The following RAD54L2 variants were observed in gnomAD, a reference collection of about 807,000 sequenced individuals.
RAD54L2 encodes RAD54 like 2.
Under a neutral mutation model 138.4 loss-of-function variants are expected in RAD54L2, and 27 were observed. That is an observed-to-expected ratio of 0.20 (90% CI 0.14 to 0.27). The LOEUF is 0.27. Among genes scored for constraint, RAD54L2 ranks in the 10% least tolerant of loss-of-function variants. RAD54L2 has a pLI of 1.00. For missense variants in RAD54L2, 1,396 were observed against 1,890.2 expected (o/e 0.74, Z 4.85); for synonymous variants, 644 against 723.2 (o/e 0.89, Z 1.76).
intron 7 of RAD54L2, among the ~76,000 whole-genome samples, chr3:51,632,529 A>G (rs1047630894): frequency 2.0e-5 from 3 of 149,882 alleles, no homozygotes; most frequent in South Asian, 2.2e-4. Flanking sequence ...TCCCAACCTC[A>G]GGTAATCTGC....
intron 2 of RAD54L2, among the ~76,000 whole-genome samples, chr3:51,558,888 A>T (rs1198537088): frequency 6.6e-6 from 1 of 151,818 alleles, no homozygotes; most frequent in East Asian, 1.9e-4. Context: ...TAGCCTATTT[A>T]TTTTTGAGAC....
chr3:51,582,255 C>T (rs147031241), intron 2 of RAD54L2, among the ~76,000 whole-genome samples: 51 of 152,250 alleles, frequency 3.3e-4, no homozygotes, highest in East Asian at 7.7e-4. Context: ...AGACACAGGA[C>T]TCATAGGTCA....
intron 3 of RAD54L2, 75 bp downstream of exon 3, chr3:51,590,634 C>T: frequency 6.5e-7 from 1 of 1,547,488 alleles, no homozygotes; most frequent in African/African-American, 1.4e-5. Context: ...GAGACCTTGG[C>T]GTTTCCAGTT....
intron 2 of RAD54L2, among the ~76,000 whole-genome samples, chr3:51,578,142 C>T (rs1377006106): frequency 1.3e-5 from 2 of 151,666 alleles, no homozygotes; most frequent in African/African-American, 4.8e-5. Flanking sequence ...ACACTCCCCC[C>T]CTGCCCCACC....
chr3:51,663,474 C>G lies in RAD54L2; in HGVS notation c.*54C>G. 3.2e-6 allele frequency: 5 copies of G among 1,551,786 alleles called. No homozygotes were observed. Among genetic ancestry groups the G allele is most frequent in the Non-Finnish European group, 4.4e-6 (5 of 1,140,466 alleles). ...GGCCCCCAGCAGGTTGCCCACCAAG[C>G]TGAAAGGCAGTGATTTAGACCTTTT... On this transcript the variant is annotated 3_prime_UTR_variant, in exon 23 of 23. Transcript: ENST00000684192.
chr3:51,629,688 G>A (rs1157016984), intron 5 of RAD54L2, among the ~76,000 whole-genome samples: 2 of 151,698 alleles, frequency 1.3e-5, no homozygotes, highest in Non-Finnish European at 2.9e-5. Flanking sequence ...GTGAAACCCC[G>A]TCTCTACTAA....
Position 51,630,280 on chromosome 3 carries a change from G to C in RAD54L2, c.490G>C (p.Ala164Pro), listed in dbSNP as rs202228085. 1.2e-6 allele frequency: 2 copies of C among 1,613,928 alleles called. No individual in the cohort carries two copies. The highest frequency in any genetic ancestry group is 3.3e-5 in the Admixed American group (2 of 60,022). ...CATTTTGCTTTTCCTAGAGGAAATT[G>C]CTTTAAGGGCAAGTGACGGTCCCCA... ...VPLEFLPEEI[A>P]LRASDGPQLP... The change falls in exon 6 of 23, where the codon GCT becomes CCT. Residue 164 changes from alanine to proline, a missense_variant. Transcript: ENST00000684192.
chr3:51,628,494 G>A (rs1439515434), intron 4 of RAD54L2, among the ~76,000 whole-genome samples: 1 of 151,982 alleles, frequency 6.6e-6, no homozygotes, highest in African/African-American at 2.4e-5. Context: ...TGTTCTAGCG[G>A]TTCTTGTGCT....
At chr3:51,619,400 C>T (rs1700519234) in intron 3 of RAD54L2, among the ~76,000 whole-genome samples, 1 of 152,116 alleles carries the variant, frequency 6.6e-6, no homozygotes, top group African/African-American at 2.4e-5. Flanking sequence ...CAAAAGGTCT[C>T]ATAGGCCTGC....
At chr3:51,609,698 TTGTGTGTGTGTGTGTG>T (rs5848928) in intron 3 of RAD54L2, among the ~76,000 whole-genome samples, 9 of 141,076 alleles carry the variant, frequency 6.4e-5, no homozygotes, top group East Asian at 4.2e-4. Context: ...TTGTGGGCAT[TTGTGTGTGTGTGTGTG>T]TGTGTGTGTG....
intron 21 of RAD54L2, 109 bp downstream of exon 21, chr3:51,657,778 A>T: frequency 1.3e-6 from 1 of 766,562 alleles, no homozygotes; most frequent in Non-Finnish European, 2.2e-6. Context: ...GAATCATCCC[A>T]TTAGGATGTC....
chr3:51,572,452 TAA>T (rs529261675), intron 2 of RAD54L2, among the ~76,000 whole-genome samples: 27 of 109,472 alleles, frequency 2.5e-4, no homozygotes, highest in South Asian at 3.0e-4. Context: ...GACTCCGTCT[TAA>T]AAAAAAAAAA....
At chr3:51,543,131 CTTAG>C (rs1338455095) in intron 2 of RAD54L2, among the ~76,000 whole-genome samples, 2 of 151,234 alleles carry the variant, frequency 1.3e-5, no homozygotes, top group Non-Finnish European at 2.9e-5. Context: ...GATGAACAGA[CTTAG>C]TTATAGAACT....
At chr3:51,592,613 G>A (rs1408240652) in intron 3 of RAD54L2, among the ~76,000 whole-genome samples, 2 of 141,024 alleles carry the variant, frequency 1.4e-5, no homozygotes, top group Non-Finnish European at 3.1e-5. Flanking sequence ...TTCTTTTGTT[G>A]GCCCTGGCTG....
chr3:51,559,349 G>A (rs1699048377), intron 2 of RAD54L2, among the ~76,000 whole-genome samples: 1 of 152,120 alleles, frequency 6.6e-6, no homozygotes, highest in African/African-American at 2.4e-5. Context: ...TTTTGTGCTT[G>A]CATAAATCTT....
intron 3 of RAD54L2, among the ~76,000 whole-genome samples, chr3:51,627,292 A>G (rs370748326): frequency 3.3e-5 from 5 of 152,312 alleles, no homozygotes; most frequent in East Asian, 3.9e-4. Context: ...AGTGATGGCT[A>G]TCATTTGTTG....
Position 51,643,910 on chromosome 3 carries a change from C to T in RAD54L2, c.2386C>T (p.Arg796Trp), listed in dbSNP as rs542809426. ...TAGCACCCCTGCCTTTGAGAGGGAGCGGCTTATTAATCAGTTCAATGATCC... is the reference window on the plus strand; with the variant it reads ...TAGCACCCCTGCCTTTGAGAGGGAGTGGCTTATTAATCAGTTCAATGATCC... ...DGSTPAFERE[R>W]LINQFNDPSN... is the part of the protein sequence containing the mutation. The change falls in exon 16 of 23, where the codon CGG becomes TGG. Residue 796 changes from arginine (R) to tryptophan (W), a missense_variant. By Grantham distance (101) the Arg-to-Trp change is moderately radical (BLOSUM62 -3). Transcript: ENST00000684192. 1.2e-5 allele frequency: 19 copies of T among 1,607,676 alleles called. No individual in the cohort carries two copies. Among genetic ancestry groups the T allele is most frequent in the South Asian group, 4.5e-5 (4 of 89,236 alleles).
intron 15 of RAD54L2, among the ~76,000 whole-genome samples, chr3:51,642,714 C>A (rs991684941): frequency 6.6e-6 from 1 of 152,072 alleles, no homozygotes; most frequent in East Asian, 1.9e-4. Context: ...AGAAATTGCC[C>A]TCATTGAGAA....
At chr3:51,560,622 G>C (rs1317311667) in intron 2 of RAD54L2, among the ~76,000 whole-genome samples, 1 of 152,096 alleles carries the variant, frequency 6.6e-6, no homozygotes, top group Non-Finnish European at 1.5e-5. Context: ...CTCCCAAAGT[G>C]CTGGGATTAC....
Sources: gnomAD v4.1 joint callset for allele counts (sites outside exome capture counted in the v4.1 genomes callset) on GRCh38, gnomAD v4.1.1 for gene constraint, MANE v1.5 for transcripts, NCBI Gene and HGNC (gene_info 2026-07-23, HGNC 2026-07-21) for gene names.